The following ITGBL1 variants were observed in gnomAD, a reference collection of about 807,000 sequenced individuals.
ITGBL1 encodes the protein integrin subunit beta like 1.
A neutral mutation model predicts 68.5 loss-of-function variants in ITGBL1; 51 were observed. The observed-to-expected ratio is 0.74, with a 90% CI of 0.59 to 0.94. The LOEUF is 0.94. Ranked by LOEUF, ITGBL1 falls within the 40% of genes least tolerant of loss-of-function variation. The pLI, the probability that ITGBL1 is intolerant of heterozygous loss-of-function variation, is 0.00. For synonymous variants in ITGBL1, 209 were observed against 227.3 expected, an observed-to-expected ratio of 0.92 and a Z score of 0.72; for missense variants, 649 against 647.4, an observed-to-expected ratio of 1.00 and a Z score of -0.03.
intron 7 of ITGBL1, among the ~76,000 whole-genome samples, chr13:101,658,869 C>T (rs1272349531): frequency 2.0e-5 from 3 of 151,486 alleles, no homozygotes; most frequent in East Asian, 1.9e-4. Flanking sequence ...AGCTTTTAAA[C>T]AATAATAGTA....
At chr13:101,695,738 A>G (rs1000155134) in intron 8 of ITGBL1, among the ~76,000 whole-genome samples, 4 of 152,196 alleles carry the variant, frequency 2.6e-5, no homozygotes, top group African/African-American at 9.6e-5. Flanking sequence ...ACCCTGCTGC[A>G]AGAGACTCCA....
chr13:101,614,332 T>C (rs2031262819), intron 7 of ITGBL1, among the ~76,000 whole-genome samples: 1 of 152,260 alleles, frequency 6.6e-6, no homozygotes, highest in South Asian at 2.1e-4. Flanking sequence ...ATAGCCATGG[T>C]GATATTTAAT....
intron 8 of ITGBL1, among the ~76,000 whole-genome samples, chr13:101,701,359 C>A (rs1293472768): frequency 6.6e-6 from 1 of 151,960 alleles, no homozygotes; most frequent in Non-Finnish European, 1.5e-5. Flanking sequence ...ACAGTAAAAC[C>A]CTGTCTCTAC....
chr13:101,487,295 T>C (rs2139052037), intron 2 of ITGBL1, among the ~76,000 whole-genome samples: 1 of 152,328 alleles, frequency 6.6e-6, no homozygotes, highest in East Asian at 1.9e-4. Context: ...ATATGGAGCC[T>C]GTTGATAACA....
At chr13:101,656,338 T>C (rs2032923249) in intron 7 of ITGBL1, among the ~76,000 whole-genome samples, 1 of 151,644 alleles carries the variant, frequency 6.6e-6, no homozygotes, top group African/African-American at 2.4e-5. Context: ...TAGAGATTCT[T>C]TACTGATGCA....
intron 2 of ITGBL1, among the ~76,000 whole-genome samples, chr13:101,502,397 T>A (rs2048958430): frequency 6.6e-6 from 1 of 152,210 alleles, no homozygotes; most frequent in Non-Finnish European, 1.5e-5. Flanking sequence ...AAGAGATCAT[T>A]ATCTTGGTGC....
chr13:101,676,747 A>G (rs1427844852), intron 7 of ITGBL1, among the ~76,000 whole-genome samples: 1 of 152,206 alleles, frequency 6.6e-6, no homozygotes, highest in African/African-American at 2.4e-5. Flanking sequence ...AAAAATTCCA[A>G]TAGGACTTTA....
intron 7 of ITGBL1, among the ~76,000 whole-genome samples, chr13:101,682,033 G>A (rs940194038): frequency 6.6e-6 from 1 of 152,190 alleles, no homozygotes; most frequent in Non-Finnish European, 1.5e-5. Flanking sequence ...CCATAAGGCA[G>A]TGCTTCCAGA....
Position 101,692,678 on chromosome 13 carries a change from A to T in ITGBL1, c.1109A>T (p.Asp370Val), listed in dbSNP as rs751355360. The change falls in exon 8 of 11, where the codon GAC becomes GTC. Residue 370 changes from aspartate (D) to valine (V), a missense_variant. Asp to Val is a radical substitution (Grantham distance 152). Coordinates refer to ENST00000376180, the MANE Select transcript of ITGBL1 (RefSeq NM_004791.3). Reference protein sequence around the residue: ...TCECDDRRCEDLDGVVCGGHG... With the variant: ...TCECDDRRCEVLDGVVCGGHG... Reference sequence around the variant, plus strand: ...GAGTGTGATGATCGCCGCTGTGAAGACCTCGATGGTGTGGTCTGTGGAGGT... The same window carrying T: ...GAGTGTGATGATCGCCGCTGTGAAGTCCTCGATGGTGTGGTCTGTGGAGGT... 6.2e-7 allele frequency: 1 copy of T among 1,613,022 alleles called. No homozygotes were observed. Among genetic ancestry groups the T allele is most frequent in the Non-Finnish European group, 8.5e-7 (1 of 1,179,168 alleles).
At chr13:101,603,344 C>T (rs948005695) in intron 7 of ITGBL1, among the ~76,000 whole-genome samples, 8 of 151,834 alleles carry the variant, frequency 5.3e-5, no homozygotes, top group African/African-American at 1.7e-4. Context: ...CATTATTTTC[C>T]CCTAAGGGTT....
At chr13:101,606,426 C>T (rs1349057500) in intron 7 of ITGBL1, among the ~76,000 whole-genome samples, 1 of 151,528 alleles carries the variant, frequency 6.6e-6, no homozygotes, top group African/African-American at 2.4e-5. Context: ...TAAAGACATT[C>T]GTCCTAATTT....
At chr13:101,666,715 T>C (rs2033227779) in intron 7 of ITGBL1, among the ~76,000 whole-genome samples, 1 of 152,190 alleles carries the variant, frequency 6.6e-6, no homozygotes, top group Non-Finnish European at 1.5e-5. Flanking sequence ...AATAGGCATT[T>C]TAAACAGTGG....
chr13:101,567,726 G>A lies in ITGBL1; in HGVS notation c.344G>A (p.Cys115Tyr). 1 of 1,613,274 alleles carries A rather than the reference G, an allele frequency of 6.2e-7. No individual in the cohort carries two copies. Among genetic ancestry groups the A allele is most frequent in the Non-Finnish European group, 8.5e-7 (1 of 1,179,462 alleles). ...AGHGKCDCGK[C>Y]KCDQGWYGDA... ...CATGGTAAGTGTGACTGTGGCAAGTGCAAGTGTGACCAGGGATGGTATGGG... is the reference window on the plus strand; with the variant it reads ...CATGGTAAGTGTGACTGTGGCAAGTACAAGTGTGACCAGGGATGGTATGGG... Residue 115 changes from cysteine to tyrosine, a missense_variant, in exon 3 of 11, where the codon TGC becomes TAC. Coordinates refer to ENST00000376180, the MANE Select transcript of ITGBL1 (RefSeq NM_004791.3).
chr13:101,544,035 C>T (rs552524662), intron 2 of ITGBL1, among the ~76,000 whole-genome samples: 21 of 152,150 alleles, frequency 1.4e-4, no homozygotes, highest in Non-Finnish European at 2.1e-4. Flanking sequence ...GATTGTCTGA[C>T]GCCTTCTTCT....
chr13:101,608,512 A>T (rs1021934796), intron 7 of ITGBL1, among the ~76,000 whole-genome samples: 1 of 152,014 alleles, frequency 6.6e-6, no homozygotes, highest in Non-Finnish European at 1.5e-5. Context: ...GAAGTTCTCC[A>T]AACATTTTCA....
At chr13:101,607,019 G>A (rs2030898844) in intron 7 of ITGBL1, among the ~76,000 whole-genome samples, 1 of 151,864 alleles carries the variant, frequency 6.6e-6, no homozygotes, top group South Asian at 2.1e-4. Flanking sequence ...CAGGATTCAT[G>A]TACAAATCTC....
intron 7 of ITGBL1, among the ~76,000 whole-genome samples, chr13:101,643,523 G>A (rs886921655): frequency 6.6e-6 from 1 of 152,162 alleles, no homozygotes; most frequent in African/African-American, 2.4e-5. Context: ...GGGACAAAGA[G>A]GAAGGCTTTA....
chr13:101,482,111 A>C (rs1017623990), intron 2 of ITGBL1, among the ~76,000 whole-genome samples: 26 of 152,206 alleles, frequency 1.7e-4, no homozygotes, highest in African/African-American at 5.3e-4. Flanking sequence ...TTAGCCGAGA[A>C]GGCTTGAAAA....
intron 7 of ITGBL1, among the ~76,000 whole-genome samples, chr13:101,618,276 A>G (rs2031445153): frequency 6.6e-6 from 1 of 152,208 alleles, no homozygotes; most frequent in Non-Finnish European, 1.5e-5. Context: ...ACTTAGCAAC[A>G]AAAAGCTATG....
Sources: gnomAD v4.1 joint callset for allele counts (sites outside exome capture counted in the v4.1 genomes callset) on GRCh38, gnomAD v4.1.1 for gene constraint, MANE v1.5 for transcripts, NCBI Gene and HGNC (gene_info 2026-07-23, HGNC 2026-07-21) for gene names.